The following TRAIP variants were observed in gnomAD, a reference collection of about 807,000 sequenced individuals.
The protein encoded by TRAIP is TRAF interacting protein, also known as E3 ubiquitin-protein ligase TRAIP.
Under a neutral mutation model 65.0 loss-of-function variants are expected in TRAIP, and 37 were observed. The observed-to-expected ratio is 0.57, with a 90% CI of 0.44 to 0.75. The LOEUF is 0.75. Ranked by LOEUF, TRAIP falls within the 30% of genes least tolerant of loss-of-function variation. TRAIP has a pLI of 0.00. For synonymous variants in TRAIP, 187 were observed against 219.1 expected (o/e 0.85, Z 1.29); for missense variants, 481 against 579.4 (o/e 0.83, Z 1.74).
chr3:49,841,682 T>C lies in TRAIP; in HGVS notation c.617+144A>G, dbSNP rs1325952858. On this transcript the variant is annotated intron_variant, in intron 7 of 14. Coordinates refer to ENST00000331456, the MANE Select transcript of TRAIP (RefSeq NM_005879.3). ...AGCAGGCCACATAGTTGCTGAAAGGTGGAATCAGGGTTCAAACAAAGGCAG... is the reference window on the plus strand; with the variant it reads ...AGCAGGCCACATAGTTGCTGAAAGGCGGAATCAGGGTTCAAACAAAGGCAG... 4.8e-6 allele frequency: 3 copies of C among 626,622 alleles called. No homozygotes were observed. In the African/African-American group the frequency reaches 5.5e-5, roughly 12 times the overall value. 38.8% of individuals were successfully genotyped at this position (626,622 alleles called of 1,614,324 possible).
chr3:49,846,068 G>A (rs981093320), intron 3 of TRAIP, among the ~76,000 whole-genome samples: 3 of 152,094 alleles, frequency 2.0e-5, no homozygotes, highest in African/African-American at 7.2e-5. Flanking sequence ...CTAAATTTTA[G>A]ATTAGGAGGG....
chr3:49,841,658 G>A (rs929048262), intron 7 of TRAIP, among the ~76,000 whole-genome samples, 168 bp downstream of exon 7: 2 of 152,276 alleles, frequency 1.3e-5, no homozygotes, highest in Non-Finnish European at 1.5e-5. Flanking sequence ...GAAACTGGCA[G>A]CAGGCCACAT....
chr3:49,834,922 C>G (rs959516726), intron 10 of TRAIP, among the ~76,000 whole-genome samples: 2 of 152,232 alleles, frequency 1.3e-5, no homozygotes, highest in African/African-American at 4.8e-5. Context: ...ATGAATACTG[C>G]CAGGCACAGT....
At chr3:49,849,602 G>A (rs1394149037) in intron 1 of TRAIP, among the ~76,000 whole-genome samples, 1 of 151,900 alleles carries the variant, frequency 6.6e-6, no homozygotes, top group Non-Finnish European at 1.5e-5. Flanking sequence ...TCCAGCCTGG[G>A]CGACAGAGCG....
Position 49,856,518 on chromosome 3 carries a change from GCCCC to G in TRAIP, c.-69_-66del. The G allele has an allele frequency of 6.9e-7, 1 of 1,445,552 alleles. No homozygotes were observed. Among genetic ancestry groups the G allele is most frequent in the Non-Finnish European group, 9.5e-7 (1 of 1,047,774 alleles). The allele number at this position is 1,445,552 out of a possible 1,614,324, so 89.5% of individuals were successfully genotyped here. A position where few individuals can be genotyped will look rare whatever the true frequency, so the allele number is the denominator to read the frequency against. ...GCTACAGGTCCGGCTTCGTAGACGC[GCCCC>G]CGCGCCTCCGCTTGCTTCAAATTTG... is the stretch of plus-strand genomic sequence containing the variant. On this transcript the variant is annotated 5_prime_UTR_variant, in exon 1 of 15. Coordinates refer to ENST00000331456, the MANE Select transcript of TRAIP (RefSeq NM_005879.3).
chr3:49,852,275 G>A (rs2081939165), intron 1 of TRAIP, among the ~76,000 whole-genome samples: 1 of 151,856 alleles, frequency 6.6e-6, no homozygotes, highest in African/African-American at 2.4e-5. Context: ...GTTGACGCAG[G>A]AGAATTGCTT....
chr3:49,845,199 C>G (rs1428990313), intron 3 of TRAIP, among the ~76,000 whole-genome samples: 1 of 152,202 alleles, frequency 6.6e-6, no homozygotes, highest in East Asian at 1.9e-4. Context: ...GTGAGCCTCT[C>G]AAAGCCCCTG....
Position 49,844,600 on chromosome 3 carries a change from A to T in TRAIP, c.241-20T>A, listed in dbSNP as rs749719431. On this transcript the variant is annotated intron_variant, in intron 3 of 14. Transcript: ENST00000331456. ...TTCATTCTGAAAGGCAATACCCACA[A>T]TAAGCAGCAGGAAAGCATCATAGCT... 43 of 1,613,760 alleles carry T rather than the reference A, an allele frequency of 2.7e-5. No homozygotes were observed. The highest frequency in any genetic ancestry group is 3.3e-5 in the Non-Finnish European group (39 of 1,179,942).
At chr3:49,835,395 G>GT (rs1303053996) in intron 10 of TRAIP, among the ~76,000 whole-genome samples, 1 of 152,200 alleles carries the variant, frequency 6.6e-6, no homozygotes, top group Non-Finnish European at 1.5e-5. Context: ...AGAAAGAATG[G>GT]TAAGTGAAGG....
At chr3:49,833,296 C>T (rs1464970742) in intron 10 of TRAIP, among the ~76,000 whole-genome samples, 1 of 152,152 alleles carries the variant, frequency 6.6e-6, no homozygotes, top group Non-Finnish European at 1.5e-5. Flanking sequence ...ACTTTCTACT[C>T]CCAGCCATCC....
intron 6 of TRAIP, 95 bp downstream of exon 6, chr3:49,842,358 T>G: frequency 1.6e-6 from 2 of 1,269,450 alleles, no homozygotes; most frequent in Non-Finnish European, 2.3e-6. Context: ...GCCTCGGACA[T>G]GACCCAATCC....
intron 5 of TRAIP, chr3:49,843,535 C>A: frequency 5.5e-6 from 2 of 363,034 alleles, no homozygotes. Flanking sequence ...AGTTGAGCAT[C>A]CCCTCTGTGA....
In TRAIP at chr3:49,856,496, A is replaced by G. The variant is rs781061001; in HGVS notation, c.-43T>C. 1.9e-6 allele frequency: 3 copies of G among 1,576,924 alleles called. No individual in the cohort carries two copies. Among genetic ancestry groups the G allele is most frequent in the Non-Finnish European group, 2.6e-6 (3 of 1,152,434 alleles). On this transcript the variant is annotated 5_prime_UTR_variant, in exon 1 of 15. Transcript: ENST00000331456. ...GGCCCAGGCAGCCAAAGAAACTGCT[A>G]CAGGTCCGGCTTCGTAGACGCGCCC...
chr3:49,840,119 T>C (rs1406600630), intron 9 of TRAIP, among the ~76,000 whole-genome samples, 165 bp downstream of exon 9: 2 of 152,130 alleles, frequency 1.3e-5, no homozygotes, highest in Non-Finnish European at 2.9e-5. Context: ...AGGCCCAGGC[T>C]CCAGTCCGGA....
intron 8 of TRAIP, 61 bp from the exon 9 acceptor site, chr3:49,840,434 C>A: frequency 7.3e-7 from 1 of 1,378,630 alleles, no homozygotes; most frequent in Non-Finnish European, 1.0e-6. Flanking sequence ...CCTGCCCCCT[C>A]CTGCTGCTCC....
chr3:49,833,628 C>T (rs1037642452), intron 10 of TRAIP, among the ~76,000 whole-genome samples: 17 of 151,996 alleles, frequency 1.1e-4, no homozygotes, highest in South Asian at 2.1e-4. Context: ...TACAGGCGCC[C>T]GCCACCACGC....
intron 1 of TRAIP, among the ~76,000 whole-genome samples, chr3:49,850,554 T>A (rs2081921576): frequency 6.6e-6 from 1 of 151,390 alleles, no homozygotes; most frequent in African/African-American, 2.4e-5. Context: ...AGACAGTAGC[T>A]ATCTTAATAT....
intron 1 of TRAIP, among the ~76,000 whole-genome samples, chr3:49,851,934 T>C (rs2081935188): frequency 6.8e-6 from 1 of 146,980 alleles, no homozygotes; most frequent in African/African-American, 2.5e-5. Flanking sequence ...CCTGACCTCG[T>C]GATCCACCAG....
At chr3:49,839,133 G>A (rs1236927021) in intron 10 of TRAIP, among the ~76,000 whole-genome samples, 2 of 151,630 alleles carry the variant, frequency 1.3e-5, no homozygotes, top group Non-Finnish European at 2.9e-5. Context: ...AGATTGCAGT[G>A]AGCCGAGATA....
Sources: allele counts gnomAD v4.1 joint callset (sites outside exome capture counted in the v4.1 genomes callset), GRCh38; gene constraint gnomAD v4.1.1; transcripts MANE v1.5; gene names NCBI Gene and HGNC (gene_info 2026-07-23, HGNC 2026-07-21).